SLC2A9: variants seen among roughly 807,000 people sequenced by gnomAD.
SLC2A9 encodes solute carrier family 2 member 9.
Under a neutral mutation model 50.6 loss-of-function variants are expected in SLC2A9, and 39 were observed. That is an observed-to-expected ratio of 0.77 (90% CI 0.60 to 1.01). The LOEUF is 1.01. Ranked by LOEUF, SLC2A9 falls within the 50% of genes least tolerant of loss-of-function variation. SLC2A9 has a pLI of 0.00. For synonymous variants in SLC2A9, 324 were observed against 276.9 expected (o/e 1.17, Z -1.69); for missense variants, 686 against 677.6 (o/e 1.01, Z -0.14).
At chr4:10,035,727 G>T in intron 1 of SLC2A9, 1 of 152,346 alleles carries the variant, frequency 6.6e-6, no homozygotes, top group Non-Finnish European at 1.5e-5. Flanking sequence ...TCCATTGACT[G>T]GTGGTCTAGA....
At chr4:9,816,553 G>C (rs899868377) in intron 3 of SLC2A9, among the ~76,000 whole-genome samples, 2 of 152,128 alleles carry the variant, frequency 1.3e-5, no homozygotes, top group South Asian at 4.1e-4. Context: ...TAAAAAGAAA[G>C]GAAAATGGTA....
intron 6 of SLC2A9, among the ~76,000 whole-genome samples, chr4:9,938,605 G>A (rs1307906088): frequency 4.6e-5 from 7 of 152,194 alleles, no homozygotes; most frequent in East Asian, 1.9e-4. Context: ...TTATGTGCAC[G>A]TTATGTCTTA....
At chr4:9,779,011 T>C (rs12501256), downstream of SLC2A9, among the ~76,000 whole-genome samples, 140,110 of 152,042 alleles carry the variant, frequency 0.92, 64,752 homozygotes, top group Middle Eastern at 0.96. Flanking sequence ...CATGATCTAC[T>C]TGCCTCACCC....
chr4:9,819,401 A>AT (rs1462988751), intron 3 of SLC2A9, among the ~76,000 whole-genome samples: 1 of 152,080 alleles, frequency 6.6e-6, no homozygotes, highest in Non-Finnish European at 1.5e-5. Flanking sequence ...TCTCATTGTA[A>AT]TTTTAATTCT....
chr4:9,786,991 C>A (rs965835917), intron 3 of SLC2A9, among the ~76,000 whole-genome samples: 1 of 152,176 alleles, frequency 6.6e-6, no homozygotes, highest in Non-Finnish European at 1.5e-5. Context: ...CTCCAGGTCC[C>A]AGCTCCCTGT....
chr4:9,794,590 T>C (rs1368942338), downstream of SLC2A9, among the ~76,000 whole-genome samples: 1 of 152,244 alleles, frequency 6.6e-6, no homozygotes. Context: ...GATTTAAACC[T>C]ATGCTTGTCT....
chr4:9,995,406 C>A (rs1275771730), intron 3 of SLC2A9, among the ~76,000 whole-genome samples: 1 of 152,172 alleles, frequency 6.6e-6, no homozygotes, highest in Non-Finnish European at 1.5e-5. Context: ...GCTTCCTGTC[C>A]CATCTTTTAG....
In SLC2A9 at chr4:10,014,283, G is replaced by A. The variant is rs568053236; in HGVS notation, c.249+4692C>T. Among the ~76,000 whole-genome samples the A allele has an allele frequency of 3.2e-4, 48 of 152,254 alleles. No individual in the cohort carries two copies. The South Asian group carries it at 8.9e-3, about 28-fold the overall frequency. On this transcript the variant is annotated intron_variant, in intron 2 of 11. Coordinates refer to ENST00000264784, the MANE Select transcript of SLC2A9 (RefSeq NM_020041.3). ...CCAGCATCACATCTCCTTTCATTTC[G>A]CAGCGACCTCACAAGGGGCTCGACA...
chr4:10,007,895 C>T (rs1391431878), intron 2 of SLC2A9, among the ~76,000 whole-genome samples: 1 of 152,158 alleles, frequency 6.6e-6, no homozygotes, highest in African/African-American at 2.4e-5. Flanking sequence ...ATGAGGCCGC[C>T]AGAAGGATGA....
intron 5 of SLC2A9, among the ~76,000 whole-genome samples, chr4:9,948,913 C>T (rs12498150): frequency 0.49 from 74,111 of 152,098 alleles, 19,444 homozygotes; most frequent in African/African-American, 0.67. Flanking sequence ...TGTCCATCCA[C>T]ACATCTGACA....
chr4:9,904,973 C>T (rs769810566), intron 8 of SLC2A9, among the ~76,000 whole-genome samples: 6 of 152,218 alleles, frequency 3.9e-5, no homozygotes, highest in African/African-American at 1.2e-4. Context: ...CTTCTGCTGG[C>T]CCTTCAGCTC....
intron 10 of SLC2A9, among the ~76,000 whole-genome samples, chr4:9,845,792 T>G (rs918728261): frequency 6.6e-6 from 1 of 152,202 alleles, no homozygotes; most frequent in African/African-American, 2.4e-5. Flanking sequence ...TTTCCTTAAG[T>G]GTATCCATAT....
At chr4:9,786,782 A>G (rs1719272542) in intron 3 of SLC2A9, among the ~76,000 whole-genome samples, 1 of 152,196 alleles carries the variant, frequency 6.6e-6, no homozygotes, top group African/African-American at 2.4e-5. Context: ...TAAATGAGGG[A>G]ACTTTGCACC....
chr4:9,781,395 C>T (rs1577253707), intron 3 of SLC2A9, among the ~76,000 whole-genome samples: 2 of 152,344 alleles, frequency 1.3e-5, no homozygotes, highest in African/African-American at 4.8e-5. Context: ...GTGGCCAGGG[C>T]TAAGGCTCCA....
chr4:9,941,018 G>C (rs7669296), intron 6 of SLC2A9, among the ~76,000 whole-genome samples: 2,332 of 152,310 alleles, frequency 0.015, 18 homozygotes, highest in Middle Eastern at 0.034. Flanking sequence ...CCTTTTTACA[G>C]ATGAGGGTTC....
At chr4:9,788,565 G>C (rs569462982) in intron 3 of SLC2A9, among the ~76,000 whole-genome samples, 1 of 151,972 alleles carries the variant, frequency 6.6e-6, no homozygotes. Context: ...TGACATTCCA[G>C]GTATGGGACC....
intron 10 of SLC2A9, among the ~76,000 whole-genome samples, chr4:9,851,565 T>C (rs557812493): frequency 6.6e-6 from 1 of 152,352 alleles, no homozygotes; most frequent in African/African-American, 2.4e-5. Flanking sequence ...GCAATGGTTC[T>C]TAACCATAGT....
chr4:9,931,227 T>C (rs1008101541), intron 6 of SLC2A9, among the ~76,000 whole-genome samples: 2 of 152,170 alleles, frequency 1.3e-5, no homozygotes, highest in Non-Finnish European at 2.9e-5. Context: ...TCCCTTCAAT[T>C]TGAAAGTAAG....
At chr4:9,843,311 G>C (rs1174009680) in intron 10 of SLC2A9, among the ~76,000 whole-genome samples, 1 of 152,170 alleles carries the variant, frequency 6.6e-6, no homozygotes, top group African/African-American at 2.4e-5. Context: ...TAATCAGGTA[G>C]CCATTACTAA....
Sources: gnomAD v4.1 joint callset for allele counts (sites outside exome capture counted in the v4.1 genomes callset) on GRCh38, gnomAD v4.1.1 for gene constraint, MANE v1.5 for transcripts, NCBI Gene and HGNC (gene_info 2026-07-23, HGNC 2026-07-21) for gene names.